ABCD3: variants seen among roughly 807,000 people sequenced by gnomAD.
ABCD3 encodes ATP binding cassette subfamily D member 3, also known as ATP-binding cassette sub-family D member 3.
ABCD3 carries 41 observed loss-of-function variants against 105.5 expected under a neutral mutation model. The observed-to-expected ratio is 0.39, with a 90% CI of 0.30 to 0.50. The LOEUF is 0.50. ABCD3 is among the 20% of genes least tolerant of loss of function. The pLI, the probability that ABCD3 is intolerant of heterozygous loss-of-function variation, is 0.84. For missense variants in ABCD3, 622 were observed against 806.3 expected (o/e 0.77, Z 2.77); for synonymous variants, 258 against 269.0 (o/e 0.96, Z 0.40).
chr1:94,510,816 T>A (rs542597041), intron 21 of ABCD3, among the ~76,000 whole-genome samples: 1 of 152,296 alleles, frequency 6.6e-6, no homozygotes, highest in South Asian at 2.1e-4. Flanking sequence ...TCACAACCCC[T>A]GCCTTTTTTT....
intron 21 of ABCD3, 52 bp downstream of exon 21, chr1:94,506,694 A>C: frequency 7.8e-7 from 1 of 1,288,430 alleles, no homozygotes; most frequent in Non-Finnish European, 1.1e-6. Flanking sequence ...ACCTAGTGTA[A>C]ACTATGTCCA....
At chr1:94,407,214 G>A in the ABCD3 span, among the ~76,000 whole-genome samples, 5 of 152,054 alleles carry the variant, frequency 3.3e-5, no homozygotes, top group Non-Finnish European at 4.4e-5. Context: ...GCAATGGCCC[G>A]ATCTCAGCTC....
intron 1 of ABCD3, among the ~76,000 whole-genome samples, chr1:94,457,094 T>A (rs767858838): frequency 7.2e-5 from 11 of 152,204 alleles, no homozygotes; most frequent in Non-Finnish European, 1.6e-4. Context: ...AAAATTGGAT[T>A]GTTGTCTTGC....
rs1374090049 is a variant in ABCD3, at chr1:94,517,817, G to A, written c.*688G>A. ...ATGTGCAGTCTTGCTTACAAGGAGG[G>A]GTTACCATGTATCACACCTAATCTT... On this transcript the variant is annotated 3_prime_UTR_variant, in exon 23 of 23. Transcript: ENST00000370214. The A allele has an allele frequency of 6.6e-6, 1 of 152,248 alleles. No homozygotes were observed. The highest frequency in any genetic ancestry group is 6.6e-5 in the Admixed American group (1 of 15,222). 9.4% of individuals were successfully genotyped at this position (152,248 alleles called of 1,614,324 possible).
chr1:94,516,480 A>G (rs1650927847), intron 22 of ABCD3, among the ~76,000 whole-genome samples: 1 of 151,948 alleles, frequency 6.6e-6, no homozygotes, highest in Admixed American at 6.6e-5. Flanking sequence ...GCCATAGGAC[A>G]TTGAGAGGAA....
chr1:94,432,891 G>A (rs1301299065), intron 1 of ABCD3, among the ~76,000 whole-genome samples: 1 of 147,808 alleles, frequency 6.8e-6, no homozygotes, highest in Non-Finnish European at 1.5e-5. Context: ...GTCTCACTCT[G>A]TTGCTCAGAC....
chr1:94,399,501 C>G, the ABCD3 span, among the ~76,000 whole-genome samples: 1 of 152,268 alleles, frequency 6.6e-6, no homozygotes, highest in African/African-American at 2.4e-5. Context: ...CAGAGGTAAC[C>G]AGTATTGACC....
chr1:94,461,583 A>T (rs17410399), intron 2 of ABCD3, among the ~76,000 whole-genome samples: 56,828 of 151,834 alleles, frequency 0.37, 11,822 homozygotes, highest in Middle Eastern at 0.54. Flanking sequence ...CAGCATACTA[A>T]TTTTTAGGTC....
intron 20 of ABCD3, 88 bp from the exon 21 acceptor site, chr1:94,506,450 A>G: frequency 6.5e-6 from 5 of 769,094 alleles, no homozygotes; most frequent in East Asian, 5.2e-5. Context: ...TTACAAGACT[A>G]CAAATGCATA....
chr1:94,398,541 G>A, the ABCD3 span, among the ~76,000 whole-genome samples: 18 of 152,168 alleles, frequency 1.2e-4, no homozygotes, highest in Non-Finnish European at 2.2e-4. Context: ...CACCCCCTGC[G>A]GTTTGGTATA....
rs1230115189 is a variant in ABCD3 at position 94,510,885 on chromosome 1, C to G, written c.1845+4243C>G. ...CCTTTTATTTTGAGCCTATGTGTGT[C>G]TCTGCACGTGAGATGGGTTTCCTGA... On this transcript the variant is annotated intron_variant, in intron 21 of 22. Transcript: ENST00000370214. Among the ~76,000 whole-genome samples, 4 of 152,112 alleles carry G rather than the reference C, an allele frequency of 2.6e-5. No homozygotes were observed. The East Asian group carries it at 7.7e-4, about 29-fold the overall frequency.
At chr1:94,421,562 ATGTGTGTGTGTGTG>A (rs3073023) in intron 1 of ABCD3, among the ~76,000 whole-genome samples, 1 of 148,928 alleles carries the variant, frequency 6.7e-6, no homozygotes, top group Non-Finnish European at 1.5e-5. Context: ...GAGCTATAAG[ATGTGTGTGTGTGTG>A]TGTGTGTGTG....
the ABCD3 span, among the ~76,000 whole-genome samples, chr1:94,405,110 T>C: frequency 1.3e-4 from 20 of 152,208 alleles, 1 homozygote; most frequent in Non-Finnish European, 2.1e-4. Flanking sequence ...CTTGTGCATA[T>C]TGCATTTTTG....
intron 20 of ABCD3, among the ~76,000 whole-genome samples, chr1:94,503,959 C>A (rs1650231454): frequency 7.4e-6 from 1 of 134,596 alleles, no homozygotes; most frequent in Non-Finnish European, 1.5e-5. Flanking sequence ...GTTGCCGAAG[C>A]TGGAGTACAC....
At chr1:94,496,451 T>TTGTGTGTG (rs57988079) in intron 16 of ABCD3, among the ~76,000 whole-genome samples, 3 of 149,324 alleles carry the variant, frequency 2.0e-5, no homozygotes, top group African/African-American at 7.4e-5. Flanking sequence ...TGCCATTTCA[T>TTGTGTGTG]TGTGTGTGTG....
intron 1 of ABCD3, chr1:94,419,210 T>C: frequency 1.1e-6 from 1 of 892,648 alleles, no homozygotes; most frequent in Non-Finnish European, 1.3e-6. Context: ...CTTTGGTCGG[T>C]GAACATTTGG....
intron 1 of ABCD3, among the ~76,000 whole-genome samples, chr1:94,443,179 TCTC>T (rs1456483332): frequency 6.6e-6 from 1 of 152,204 alleles, no homozygotes; most frequent in Non-Finnish European, 1.5e-5. Context: ...AGGATGGTAA[TCTC>T]CTTGTGGTTT....
At chr1:94,454,053 T>A (rs1361323907) in intron 1 of ABCD3, among the ~76,000 whole-genome samples, 2 of 152,060 alleles carry the variant, frequency 1.3e-5, no homozygotes, top group African/African-American at 4.8e-5. Context: ...TGTATGGGCA[T>A]GCATATGTGT....
intron 20 of ABCD3, among the ~76,000 whole-genome samples, chr1:94,505,895 T>C (rs1360296326): frequency 6.6e-6 from 1 of 152,034 alleles, no homozygotes; most frequent in Non-Finnish European, 1.5e-5. Flanking sequence ...ATGACAAAAA[T>C]TGGAATATCT....
Sources: gnomAD v4.1 joint callset for allele counts (sites outside exome capture counted in the v4.1 genomes callset) on GRCh38, gnomAD v4.1.1 for gene constraint, MANE v1.5 for transcripts, NCBI Gene and HGNC (gene_info 2026-07-23, HGNC 2026-07-21) for gene names.